NTM: variants seen among roughly 807,000 people sequenced by gnomAD.
NTM encodes the protein neurotrimin, also known as IgLON family member 2.
A neutral mutation model predicts 42.1 loss-of-function variants in NTM; 13 were observed. That is an observed-to-expected ratio of 0.31 (90% CI 0.20 to 0.49). The LOEUF is 0.49. Ranked by LOEUF, NTM falls within the 20% of genes least tolerant of loss-of-function variation. NTM has a pLI of 0.99. For missense variants in NTM, 373 were observed against 452.8 expected, an observed-to-expected ratio of 0.82 and a Z score of 1.60; for synonymous variants, 187 against 179.2, an observed-to-expected ratio of 1.04 and a Z score of -0.35.
At chr11:131,403,880 C>T (rs951977032) in intron 1 of NTM, among the ~76,000 whole-genome samples, 1 of 152,120 alleles carries the variant, frequency 6.6e-6, no homozygotes, top group Non-Finnish European at 1.5e-5. Flanking sequence ...AATATTTCTC[C>T]TCATTTTAGA....
chr11:132,163,968 G>A (rs1179039144), intron 3 of NTM, among the ~76,000 whole-genome samples: 1 of 152,088 alleles, frequency 6.6e-6, no homozygotes, highest in East Asian at 1.9e-4. Context: ...ATTTACAGAT[G>A]GGAAAACATG....
intron 1 of NTM, among the ~76,000 whole-genome samples, chr11:131,569,904 A>G (rs1037037392): frequency 6.6e-6 from 1 of 152,222 alleles, no homozygotes; most frequent in Non-Finnish European, 1.5e-5. Context: ...TCTAGGCCTA[A>G]GAAAGACCTG....
intron 1 of NTM, among the ~76,000 whole-genome samples, chr11:131,837,671 G>A (rs989239660): frequency 4.6e-5 from 7 of 152,088 alleles, no homozygotes; most frequent in African/African-American, 1.7e-4. Flanking sequence ...GTTTTTCAAC[G>A]GGCCCCAACT....
chr11:131,378,469 A>T (rs1942250009), intron 1 of NTM, among the ~76,000 whole-genome samples: 1 of 152,240 alleles, frequency 6.6e-6, no homozygotes, highest in African/African-American at 2.4e-5. Context: ...GAATGAACAG[A>T]GTCAGAACAT....
In NTM at chr11:131,530,200, G is replaced by A. The variant is rs192914374; in HGVS notation, c.82+159312G>A. Among the ~76,000 whole-genome samples the A allele has an allele frequency of 1.6e-4, 24 of 152,238 alleles. 1 individual carries two copies. The East Asian group carries it at 3.7e-3, about 23-fold the overall frequency. ...TGAGACCCTCTGGTGCCTGGCACAG[G>A]GCATGGTGCTTAGTAGGTATTTAAT... On this transcript the variant is annotated intron_variant, in intron 1 of 8. Coordinates refer to ENST00000683400, the MANE Select transcript of NTM (RefSeq NM_001352005.2).
intron 1 of NTM, among the ~76,000 whole-genome samples, chr11:131,701,367 A>G (rs976063431): frequency 1.3e-5 from 2 of 152,200 alleles, no homozygotes; most frequent in African/African-American, 4.8e-5. Context: ...TGAGGACAGT[A>G]TATGTTATTC....
intron 1 of NTM, among the ~76,000 whole-genome samples, chr11:131,380,300 C>T (rs756183594): frequency 1.8e-4 from 28 of 151,670 alleles, no homozygotes; most frequent in Non-Finnish European, 3.1e-4. Flanking sequence ...CTCCGCCTCC[C>T]GGGTTCAAGC....
chr11:132,002,158 C>T lies in NTM; in HGVS notation c.167+90510C>T, dbSNP rs141157807. ...AGAGGGTGGAGGCTCTTCAAATGTC[C>T]GATTAAAGGTATTGGACTTTTCTCC... is the stretch of plus-strand genomic sequence containing the variant. On this transcript the variant is annotated intron_variant, in intron 2 of 8. Coordinates refer to ENST00000683400, the MANE Select transcript of NTM (RefSeq NM_001352005.2). This position sits in a 1 kb window ranked among gnomAD's most constrained non-coding sequence, Gnocchi z 4.5. 6.3e-4 allele frequency among the ~76,000 whole-genome samples: 96 copies of T among 152,208 alleles called. No homozygotes were observed. Among genetic ancestry groups the T allele is most frequent in the African/African-American group, 2.0e-3 (83 of 41,538 alleles).
At chr11:131,814,477 G>A (rs1006798863) in intron 1 of NTM, among the ~76,000 whole-genome samples, 1 of 152,026 alleles carries the variant, frequency 6.6e-6, no homozygotes, top group Admixed American at 6.6e-5. Context: ...ACAGGTTCTG[G>A]AACCTTTCCA....
At chr11:131,691,502 G>T (rs1436880554) in intron 1 of NTM, among the ~76,000 whole-genome samples, 2 of 151,914 alleles carry the variant, frequency 1.3e-5, no homozygotes, top group African/African-American at 4.8e-5. Context: ...CTCCCTCCTG[G>T]CCCCCCGCCA....
intron 4 of NTM, among the ~76,000 whole-genome samples, chr11:132,261,987 C>A (rs1377025513): frequency 2.0e-5 from 3 of 152,220 alleles, no homozygotes; most frequent in African/African-American, 7.2e-5. Flanking sequence ...AAAGAGCACT[C>A]CAAGTCTGTG....
At chr11:132,248,313 C>T (rs550700013) in intron 4 of NTM, among the ~76,000 whole-genome samples, 2 of 152,258 alleles carry the variant, frequency 1.3e-5, no homozygotes, top group Admixed American at 6.5e-5. Flanking sequence ...ATTTTTTTCC[C>T]TTGCTCTGTC....
chr11:132,114,182 T>C (rs2063580757), intron 2 of NTM, among the ~76,000 whole-genome samples: 1 of 152,238 alleles, frequency 6.6e-6, no homozygotes, highest in Non-Finnish European at 1.5e-5. Context: ...AAAGATCTTA[T>C]CTTGCTTTTG....
intron 1 of NTM, among the ~76,000 whole-genome samples, chr11:131,419,614 G>A (rs750451645): frequency 6.6e-6 from 1 of 152,152 alleles, no homozygotes; most frequent in Non-Finnish European, 1.5e-5. Flanking sequence ...GGCTGGGTAG[G>A]TGAGGGAAAG....
At chr11:131,832,839 C>G (rs1281843264) in intron 1 of NTM, among the ~76,000 whole-genome samples, 2 of 152,162 alleles carry the variant, frequency 1.3e-5, no homozygotes, top group Admixed American at 6.5e-5. Flanking sequence ...TATATATAGA[C>G]AAGGGCGCTT....
At chr11:131,771,341 T>C (rs373512832) in intron 1 of NTM, 1 of 152,250 alleles carries the variant, frequency 6.6e-6, no homozygotes, top group Non-Finnish European at 1.5e-5. Flanking sequence ...ACACAGATGA[T>C]AGGTTTGGAA....
intron 1 of NTM, among the ~76,000 whole-genome samples, chr11:131,641,553 T>A (rs1270754537): frequency 6.6e-6 from 1 of 152,088 alleles, no homozygotes; most frequent in African/African-American, 2.4e-5. Flanking sequence ...CTGATACCTG[T>A]CTGGGGTTTT....
At chr11:132,049,156 A>G (rs758221390) in intron 2 of NTM, among the ~76,000 whole-genome samples, 35 of 152,264 alleles carry the variant, frequency 2.3e-4, no homozygotes, top group Middle Eastern at 6.8e-3. Context: ...GAGGACAAGA[A>G]ACAAAAGAGG....
At chr11:132,006,231 G>A (rs1452625066) in intron 2 of NTM, among the ~76,000 whole-genome samples, 1 of 152,146 alleles carries the variant, frequency 6.6e-6, no homozygotes, top group Non-Finnish European at 1.5e-5. Context: ...GGGAGACCTA[G>A]CACCCGCATC....
Sources: gnomAD v4.1 joint callset for allele counts (sites outside exome capture counted in the v4.1 genomes callset) on GRCh38, gnomAD v4.1.1 for gene constraint, Gnocchi (gnomAD v3.1) non-coding constraint, MANE v1.5 for transcripts, NCBI Gene and HGNC (gene_info 2026-07-23, HGNC 2026-07-21) for gene names.